Variants in SCUBE2 observed in about 807,000 individuals in gnomAD.
SCUBE2 encodes the protein signal peptide, CUB domain and EGF like domain containing 2, also known as signal peptide, CUB and EGF-like domain-containing protein 2.
SCUBE2 carries 114 observed loss-of-function variants against 125.9 expected under a neutral mutation model. The ratio of observed to expected loss-of-function variants is 0.91; its 90% confidence interval spans 0.78 to 1.06. The LOEUF (loss-of-function observed/expected upper bound fraction) is 1.06. SCUBE2 is among the 50% of genes least tolerant of loss of function. The pLI is 0.00. For synonymous variants in SCUBE2, 459 were observed against 492.9 expected, an observed-to-expected ratio of 0.93 and a Z score of 0.91; for missense variants, 1,255 against 1,301.8, an observed-to-expected ratio of 0.96 and a Z score of 0.55.
rs1362965577 is a variant in SCUBE2 at position 9,091,196 on chromosome 11, C to A, written c.133+200G>T. ...CAGCAGCTCCGGGTCCGAGGCCGGG[C>A]CGAAGGACTCAGGGCCCCAGCGGTC... On this transcript the variant is annotated intron_variant, in intron 1 of 22. Coordinates refer to ENST00000649792, the MANE Select transcript of SCUBE2 (RefSeq NM_001367977.2). The surrounding 1 kb of genome is among the most constrained non-coding windows in gnomAD (Gnocchi z 8.5). Among the ~76,000 whole-genome samples, 4 of 152,058 alleles carry A rather than the reference C, an allele frequency of 2.6e-5. 1 individual carries two copies. The highest frequency in any genetic ancestry group is 7.2e-5 in the African/African-American group (3 of 41,416).
intron 14 of SCUBE2, chr11:9,050,288 C>A: frequency 4.4e-6 from 1 of 228,072 alleles, no homozygotes; most frequent in Non-Finnish European, 8.5e-6. Flanking sequence ...GAAAATTTAA[C>A]CCAATATGAT....
At chr11:9,046,504 C>T (rs557316581) in intron 16 of SCUBE2, among the ~76,000 whole-genome samples, 17 of 152,178 alleles carry the variant, frequency 1.1e-4, no homozygotes, top group African/African-American at 4.1e-4. Context: ...CTGGCCCGTC[C>T]GTGAGGCCTA....
chr11:9,030,013 T>C lies in SCUBE2; in HGVS notation c.2374A>G (p.Thr792Ala), dbSNP rs1301976125. 6.2e-7 allele frequency: 1 copy of C among 1,613,976 alleles called. No individual in the cohort carries two copies. The highest frequency in any genetic ancestry group is 8.5e-7 in the Non-Finnish European group (1 of 1,180,024). ...QCSPGHFYNT[T>A]THRCIRCPVG... ...GGGCAACGAATACATCGGTGAGTGG[T>C]GGTGTTGTAGAAATGTCCAGGTGAA... The change falls in exon 19 of 23, where the codon ACC (threonine) becomes GCC (alanine). Residue 792 changes from threonine (T) to alanine (A), a missense_variant. Physicochemically the swap from Thr to Ala is moderately conservative, Grantham distance 58. This residue lies in a region of SCUBE2 where 515 missense variants were observed against 515.7 expected (regional missense o/e 1.00). Transcript: ENST00000649792.
chr11:9,081,672 AC>A (rs71062810), intron 2 of SCUBE2, among the ~76,000 whole-genome samples: 7 of 129,482 alleles, frequency 5.4e-5, no homozygotes, highest in South Asian at 2.5e-4. Context: ...AAACAAACAA[AC>A]AAAAAAAAAA....
intron 4 of SCUBE2, among the ~76,000 whole-genome samples, chr11:9,073,764 T>C (rs554524047): frequency 6.6e-6 from 1 of 152,154 alleles, no homozygotes; most frequent in Middle Eastern, 3.2e-3. Context: ...AAGGATGACA[T>C]TCAGTTAAAA....
chr11:9,021,823 T>C, intron 22 of SCUBE2, 53 bp downstream of exon 22: 4 of 1,334,712 alleles, frequency 3.0e-6, no homozygotes, highest in Non-Finnish European at 4.3e-6. Flanking sequence ...TCTCCAACAG[T>C]ACTCGGGAAG....
At chr11:9,033,414 ATCT>A (rs1254311581) in intron 17 of SCUBE2, among the ~76,000 whole-genome samples, 1 of 152,166 alleles carries the variant, frequency 6.6e-6, no homozygotes, top group African/African-American at 2.4e-5. Context: ...ATTCTACCCC[ATCT>A]TCATTTATTT....
rs35973275 is a variant in SCUBE2, at chr11:9,020,904, A to G, written c.*141T>C. On this transcript the variant is annotated 3_prime_UTR_variant, in exon 23 of 23. Transcript: ENST00000649792. ...AAGTTCAATTTACCAAAATATCTGT[A>G]TTATCTATAAAAATTGAACTCTAAT... is the stretch of plus-strand genomic sequence containing the variant. The G allele has an allele frequency of 1.1e-3, 708 of 667,812 alleles. 8 individuals carry two copies. In the African/African-American group the frequency reaches 0.011, roughly 11 times the overall value. The allele number at this position is 667,812 out of a possible 1,614,324, so 41.4% of individuals were successfully genotyped here.
Position 9,027,504 on chromosome 11 carries a change from T to C in SCUBE2, c.2561A>G (p.Tyr854Cys). Reference sequence around the variant, plus strand: ...GGTGTTGGCTGGGTAATTGCCTGGGTAGTTTGGGGATTCAATGTACCCAGT... The same window carrying C: ...GGTGTTGGCTGGGTAATTGCCTGGGCAGTTTGGGGATTCAATGTACCCAGT... ...DFTGYIESPN[Y>C]PGNYPANTEC... is the part of the protein sequence containing the mutation. The change falls in exon 20 of 23, where the codon TAC becomes TGC. Residue 854 changes from tyrosine to cysteine, a missense_variant. Tyr to Cys is a radical substitution (Grantham distance 194). Transcript: ENST00000649792. 2 of 1,613,846 alleles carry C rather than the reference T, an allele frequency of 1.2e-6. No homozygotes were observed. The highest frequency in any genetic ancestry group is 2.2e-5 in the South Asian group (2 of 91,042).
At chr11:9,044,787 T>C (rs1005491440) in intron 16 of SCUBE2, among the ~76,000 whole-genome samples, 1 of 152,124 alleles carries the variant, frequency 6.6e-6, no homozygotes, top group African/African-American at 2.4e-5. Flanking sequence ...CTTGGGGTTT[T>C]CCTATTTGTT....
chr11:9,022,382 A>G (rs1855379806), intron 21 of SCUBE2, among the ~76,000 whole-genome samples: 1 of 151,794 alleles, frequency 6.6e-6, no homozygotes, highest in African/African-American at 2.4e-5. Context: ...CCTTGACCTC[A>G]TTTCTCCCTC....
chr11:9,060,676 A>G, intron 7 of SCUBE2, 152 bp from the exon 8 acceptor site: 1 of 624,996 alleles, frequency 1.6e-6, no homozygotes, highest in Non-Finnish European at 2.9e-6. Flanking sequence ...GAGCAGGTGC[A>G]GCTCCTCCCA....
intron 9 of SCUBE2, chr11:9,057,550 G>A (rs1379557040): frequency 1.5e-5 from 2 of 129,676 alleles, no homozygotes; most frequent in Non-Finnish European, 3.1e-5. Context: ...ATGGAGTCTC[G>A]CTCTATCCCC....
intron 2 of SCUBE2, among the ~76,000 whole-genome samples, chr11:9,086,057 C>T (rs1044860553): frequency 6.6e-6 from 1 of 152,138 alleles, no homozygotes; most frequent in South Asian, 2.1e-4. Flanking sequence ...TGGTCTCAAA[C>T]CCTTGAGCTC....
rs527787902 is a variant in SCUBE2 at position 9,082,331 on chromosome 11, A to T, written c.257-2822T>A. 3.3e-5 allele frequency among the ~76,000 whole-genome samples: 5 copies of T among 152,260 alleles called. No homozygotes were observed. The East Asian group carries it at 9.6e-4, about 29-fold the overall frequency. ...TTGTCTTTTGATGTTCAAAATTTTT[A>T]AATTTTCAGGAAGTCCAATTTGTCT... On this transcript the variant is annotated intron_variant, in intron 2 of 22. Coordinates refer to ENST00000649792, the MANE Select transcript of SCUBE2 (RefSeq NM_001367977.2).
At chr11:9,035,923 T>C (rs1856717363) in intron 16 of SCUBE2, among the ~76,000 whole-genome samples, 1 of 152,184 alleles carries the variant, frequency 6.6e-6, no homozygotes, top group African/African-American at 2.4e-5. Context: ...GTTTTCACTC[T>C]TGTTGCCCAA....
chr11:9,068,154 G>T (rs575661100), intron 5 of SCUBE2, among the ~76,000 whole-genome samples: 4 of 151,708 alleles, frequency 2.6e-5, no homozygotes, highest in Non-Finnish European at 5.9e-5. Context: ...TCCCTCACCA[G>T]TGAAACTGTC....
chr11:9,033,390 T>C (rs888693532), intron 17 of SCUBE2, among the ~76,000 whole-genome samples: 2 of 152,196 alleles, frequency 1.3e-5, no homozygotes, highest in Admixed American at 1.3e-4. Context: ...ACACTTACGC[T>C]CTTCTGCTAG....
chr11:9,060,262 G>T (rs1273472121), intron 8 of SCUBE2, 146 bp downstream of exon 8: 2 of 623,900 alleles, frequency 3.2e-6, no homozygotes, highest in South Asian at 4.2e-5. Flanking sequence ...AGCCCAGGGG[G>T]AAAAAGCTCC....
Sources: gnomAD v4.1 joint callset for allele counts (sites outside exome capture counted in the v4.1 genomes callset) on GRCh38, gnomAD v4.1.1 for gene constraint, gnomAD v4.1.1 regional missense constraint, Gnocchi (gnomAD v3.1) non-coding constraint, MANE v1.5 for transcripts, NCBI Gene and HGNC (gene_info 2026-07-23, HGNC 2026-07-21) for gene names.